The following DCLK3 variants were observed in gnomAD, a reference collection of about 807,000 sequenced individuals.
DCLK3 encodes serine/threonine-protein kinase DCLK3.
Under a neutral mutation model 46.4 loss-of-function variants are expected in DCLK3, and 30 were observed. The ratio of observed to expected loss-of-function variants is 0.65; its 90% CI spans 0.48 to 0.88. The LOEUF (loss-of-function observed/expected upper bound fraction) is 0.88, where lower values mean the gene tolerates loss of function less well. DCLK3 is among the 40% of genes least tolerant of loss of function. The probability of loss-of-function intolerance (pLI) is 0.00; values close to 1 mark genes in which losing one functional copy is unlikely to be tolerated. For missense variants in DCLK3, 846 were observed against 907.1 expected (o/e 0.93, Z 0.87); for synonymous variants, 401 against 339.2 (o/e 1.18, Z -2.00).
chr3:36,755,857 G>A (rs1299342298), intron 1 of DCLK3, among the ~76,000 whole-genome samples: 1 of 152,206 alleles, frequency 6.6e-6, no homozygotes, highest in East Asian at 1.9e-4. Flanking sequence ...AAACCTAGCA[G>A]CTTTCTCCAT....
chr3:36,736,248 G>A (rs1043244944), intron 2 of DCLK3, among the ~76,000 whole-genome samples: 1 of 152,186 alleles, frequency 6.6e-6, no homozygotes, highest in Admixed American at 6.5e-5. Flanking sequence ...GCTGGATAGT[G>A]TCAGCACGTG....
intron 3 of DCLK3, 44 bp from the exon 4 acceptor site, chr3:36,718,221 C>A: frequency 6.2e-7 from 1 of 1,611,750 alleles, no homozygotes; most frequent in East Asian, 2.2e-5. Flanking sequence ...TGAGACCAGG[C>A]AGGGTCAAAG....
At position 36,738,391 on chromosome 3, in the gene DCLK3, C is replaced by G. The variant is rs1206276931; in HGVS notation, c.776G>C (p.Arg259Thr). The change falls in exon 2 of 5, where the codon AGG (arginine) becomes ACG (threonine). Residue 259 changes from arginine to threonine, a missense_variant. Physicochemically the swap from Arg to Thr is moderately conservative, Grantham distance 71 (BLOSUM62 -1). Transcript: ENST00000636136. ...PEELSLDDRARTQKKWGRGKW... is the reference protein window; with the variant it reads ...PEELSLDDRATTQKKWGRGKW... ...CCCCCTCCCCCACTTCTTCTGGGTC[C>G]TCGCTCTGTCATCTAGTGAAAGCTC... is the stretch of plus-strand genomic sequence containing the variant. 2 of 1,496,250 alleles carry G rather than the reference C, an allele frequency of 1.3e-6. No homozygotes were observed. 92.7% of individuals were successfully genotyped at this position (1,496,250 alleles called of 1,614,324 possible).
Position 36,754,491 on chromosome 3 carries a change from A to T in DCLK3, c.82+9691T>A, listed in dbSNP as rs577304072. On this transcript the variant is annotated intron_variant, in intron 1 of 4. Coordinates refer to ENST00000636136, the MANE Select transcript of DCLK3 (RefSeq NM_001394672.2). Reference sequence around the variant, plus strand: ...TGAAGAGGTGGCATCCTCTGACATCATCTTTTCTTATCCAGACCGAAAACG... The same window carrying T: ...TGAAGAGGTGGCATCCTCTGACATCTTCTTTTCTTATCCAGACCGAAAACG... 3.2e-4 allele frequency among the ~76,000 whole-genome samples: 48 copies of T among 152,322 alleles called. No individual in the cohort carries two copies. In the South Asian group the frequency reaches 9.7e-3, roughly 31 times the overall value.
Position 36,738,835 on chromosome 3 carries a change from G to T in DCLK3, c.332C>A (p.Thr111Asn). 1.3e-6 allele frequency: 1 copy of T among 793,322 alleles called. No homozygotes were observed. The highest frequency in any genetic ancestry group is 1.7e-6 in the Non-Finnish European group (1 of 573,324). The allele number at this position is 793,322 out of a possible 1,614,324, so 49.1% of individuals were successfully genotyped here. Residue 111 changes from threonine to asparagine, a missense_variant, in exon 2 of 5, where the codon ACT becomes AAT. Thr to Asn is a moderately conservative substitution (Grantham distance 65, BLOSUM62 0). This residue lies in a region of DCLK3 where 553 missense variants were observed against 543.0 expected (regional missense o/e 1.02). Transcript: ENST00000636136. The part of the protein sequence containing the change: ...KLGGQRPRKI[T>N]LLLNRRSVQT... ...CACTGATCGCCTGTTGAGGAGCAGA[G>T]TGATCTTTCGGGGGCGCTGCCCACC...
intron 2 of DCLK3, among the ~76,000 whole-genome samples, chr3:36,729,249 G>C (rs889288346): frequency 0.085 from 1,667 of 19,582 alleles, 59 homozygotes; most frequent in Middle Eastern, 0.25. Flanking sequence ...GTGTGTGTGT[G>C]GGGGGGGGGG....
At chr3:36,741,039 T>A (rs977557498) in intron 1 of DCLK3, among the ~76,000 whole-genome samples, 1 of 152,228 alleles carries the variant, frequency 6.6e-6, no homozygotes, top group Non-Finnish European at 1.5e-5. Flanking sequence ...ACCACAAATT[T>A]ATGAGCTTAA....
rs1553611163 is a variant in DCLK3, at chr3:36,729,248, T to TGTG, written c.1960-7590_1960-7589insCAC. ...GGTTTTCCCGGGTTGTGTGTGTGTG[T>TGTG]GGGGGGGGGGGGTACAAAAGCCCCC... On this transcript the variant is annotated intron_variant, in intron 2 of 4. Transcript: ENST00000636136. Among the ~76,000 whole-genome samples the TGTG allele has an allele frequency of 2.5e-4, 23 of 92,706 alleles. 2 individuals are homozygous for TGTG. Among genetic ancestry groups the TGTG allele is most frequent in the East Asian group, 1.7e-3 (5 of 2,948 alleles). 60.8% of individuals were successfully genotyped at this position (92,706 alleles called of 152,430 possible). A position where few individuals can be genotyped will look rare whatever the true frequency, so the allele number is the denominator to read the frequency against.
At chr3:36,761,510 C>A (rs1701538900) in intron 1 of DCLK3, among the ~76,000 whole-genome samples, 1 of 152,158 alleles carries the variant, frequency 6.6e-6, no homozygotes, top group Non-Finnish European at 1.5e-5. Context: ...AAGCAGTTAA[C>A]AAAAACATTC....
At chr3:36,740,122 C>CTTTTTT (rs1179146362) in intron 1 of DCLK3, among the ~76,000 whole-genome samples, 44 of 99,644 alleles carry the variant, frequency 4.4e-4, no homozygotes, top group East Asian at 9.0e-4. Flanking sequence ...ATTTGCATTT[C>CTTTTTT]TTTTTTTTTT....
intron 1 of DCLK3, among the ~76,000 whole-genome samples, chr3:36,743,452 C>G (rs1701367067): frequency 6.6e-6 from 1 of 152,016 alleles, no homozygotes; most frequent in Non-Finnish European, 1.5e-5. Context: ...GTTTATGAAG[C>G]CATAGATAGT....
rs999258794 is a variant in DCLK3 at position 36,718,162 on chromosome 3, A to T, written c.2108T>A (p.Val703Glu). 6.2e-7 allele frequency: 1 copy of T among 1,613,948 alleles called. No homozygotes were observed. Among genetic ancestry groups the T allele is most frequent in the Non-Finnish European group, 8.5e-7 (1 of 1,180,010 alleles). The change falls in exon 4 of 5, where the codon GTG (valine) becomes GAG (glutamate). Residue 703 changes from valine (V) to glutamate (E), a missense_variant. Coordinates refer to ENST00000636136, the MANE Select transcript of DCLK3 (RefSeq NM_001394672.2). The part of the protein sequence containing the change: ...ILSEKGYGLE[V>E]DMWAAGVILY... ...GATCACGCCAGCAGCCCACATGTCCACCTCCAGTCCATAACCTGCGCAGAC... is the reference window on the plus strand; with the variant it reads ...GATCACGCCAGCAGCCCACATGTCCTCCTCCAGTCCATAACCTGCGCAGAC...
chr3:36,727,669 CG>C (rs1701142031), intron 2 of DCLK3, among the ~76,000 whole-genome samples: 1 of 152,136 alleles, frequency 6.6e-6, no homozygotes, highest in Non-Finnish European at 1.5e-5. Flanking sequence ...TGGGGGGCAG[CG>C]GTTAAGATCA....
chr3:36,743,342 A>G (rs538405615), intron 1 of DCLK3, among the ~76,000 whole-genome samples: 1 of 152,022 alleles, frequency 6.6e-6, no homozygotes, highest in East Asian at 1.9e-4. Context: ...AATAATAAAA[A>G]ACCACTTTTG....
chr3:36,733,749 C>T (rs1004427681), intron 2 of DCLK3, among the ~76,000 whole-genome samples: 8 of 152,188 alleles, frequency 5.3e-5, no homozygotes, highest in Admixed American at 1.3e-4. Flanking sequence ...AGAGCACCAT[C>T]ATCTTATCAG....
Position 36,725,181 on chromosome 3 carries a change from G to A in DCLK3, c.1960-3522C>T, listed in dbSNP as rs560516102. ...ACAAAAAATTAGCCAGCCTGATGGCGGGCGCCTGTAGTCCCAGCTACTCTG... is the reference window on the plus strand; with the variant it reads ...ACAAAAAATTAGCCAGCCTGATGGCAGGCGCCTGTAGTCCCAGCTACTCTG... On this transcript the variant is annotated intron_variant, in intron 2 of 4. Transcript: ENST00000636136. Among the ~76,000 whole-genome samples the A allele has an allele frequency of 1.4e-4, 21 of 152,158 alleles. No individual in the cohort carries two copies. In the South Asian group the frequency reaches 2.3e-3, roughly 17 times the overall value.
rs1701272430 is a variant in DCLK3, at chr3:36,737,133, A to G, written c.1959+75T>C. 6 of 1,509,752 alleles carry G rather than the reference A, an allele frequency of 4.0e-6. No homozygotes were observed. In the East Asian group the frequency reaches 1.4e-4, roughly 35 times the overall value. The allele number at this position is 1,509,752 out of a possible 1,614,324, so 93.5% of individuals were successfully genotyped here. ...TTCTAGTGTGTAAAGGTGACAGAGT[A>G]TAAAACAATTAATATCAATTTTATC... is the stretch of plus-strand genomic sequence containing the variant. On this transcript the variant is annotated intron_variant, in intron 2 of 4. Transcript: ENST00000636136. The surrounding 1 kb of genome is among the most constrained non-coding windows in gnomAD (Gnocchi z 4.4).
rs1701306488 is a variant in DCLK3 at position 36,738,749 on chromosome 3, T to C, written c.418A>G (p.Asn140Asp). ...TTAAACAGTTTCCTCACACGGTCAT[T>C]CTTCCATCTGGGAGAGCCCAAGGCT... ...SEALGSPRWK[N>D]DRVRKLFNLK... Residue 140 changes from asparagine (N) to aspartate (D), a missense_variant, in exon 2 of 5, where the codon AAT (asparagine) becomes GAT (aspartate). By Grantham distance (23) the Asn-to-Asp change is conservative. This residue lies in a region of DCLK3 where 553 missense variants were observed against 543.0 expected (regional missense o/e 1.02). Coordinates refer to ENST00000636136, the MANE Select transcript of DCLK3 (RefSeq NM_001394672.2). 4.6e-6 allele frequency: 6 copies of C among 1,302,286 alleles called. No individual in the cohort carries two copies. In the South Asian group the frequency reaches 1.9e-4, roughly 40 times the overall value. 80.7% of individuals were successfully genotyped at this position (1,302,286 alleles called of 1,614,324 possible).
Position 36,738,420 on chromosome 3 carries a change from G to A in DCLK3, c.747C>T (p.Pro249=), listed in dbSNP as rs200046972. 1.9e-4 allele frequency: 284 copies of A among 1,477,818 alleles called. No individual in the cohort carries two copies. The highest frequency in any genetic ancestry group is 3.6e-4 in the Middle Eastern group (2 of 5,504). The allele number at this position is 1,477,818 out of a possible 1,614,324, so 91.5% of individuals were successfully genotyped here. A position where few individuals can be genotyped will look rare whatever the true frequency, so the allele number is the denominator to read the frequency against. ...CTCTGTCATCTAGTGAAAGCTCCTC[G>A]GGGATCTTCCCCTGGTGCCTCATGG... The part of the protein sequence containing the change: ...KAAMRHQGKI[P]EELSLDDRAR... The change falls in exon 2 of 5, where the codon CCC becomes CCT. Residue 249 remains proline (P), a synonymous_variant. Transcript: ENST00000636136.
Sources: gnomAD v4.1 joint callset for allele counts (sites outside exome capture counted in the v4.1 genomes callset) on GRCh38, gnomAD v4.1.1 for gene constraint, gnomAD v4.1.1 regional missense constraint, Gnocchi (gnomAD v3.1) non-coding constraint, MANE v1.5 for transcripts, NCBI Gene and HGNC (gene_info 2026-07-23, HGNC 2026-07-21) for gene names.